The following CADPS variants were observed in gnomAD, a reference collection of about 807,000 sequenced individuals.
CADPS encodes calcium dependent secretion activator.
Under a neutral mutation model 167.3 loss-of-function variants are expected in CADPS, and 57 were observed. The ratio of observed to expected loss-of-function variants is 0.34; its 90% CI spans 0.28 to 0.42. The LOEUF is 0.42. Ranked by LOEUF, CADPS falls within the 20% of genes least tolerant of loss-of-function variation. The pLI is 1.00. For synonymous variants in CADPS, 676 were observed against 635.3 expected, an observed-to-expected ratio of 1.06 and a Z score of -0.96; for missense variants, 1,414 against 1,738.1, an observed-to-expected ratio of 0.81 and a Z score of 3.32.
At chr3:62,532,685 G>C (rs1313143760) in intron 13 of CADPS, among the ~76,000 whole-genome samples, 186 bp downstream of exon 13, 1 of 151,332 alleles carries the variant, frequency 6.6e-6, no homozygotes, top group East Asian at 2.0e-4. Flanking sequence ...TTTATTTTAA[G>C]TTTCTTGAAA....
chr3:62,832,060 T>C (rs553082889), intron 1 of CADPS, among the ~76,000 whole-genome samples: 52 of 152,310 alleles, frequency 3.4e-4, no homozygotes, highest in African/African-American at 1.3e-3. Flanking sequence ...CATTTCATTG[T>C]TGATAGGTAA....
intron 1 of CADPS, among the ~76,000 whole-genome samples, chr3:62,853,522 G>A (rs1416223434): frequency 1.3e-5 from 2 of 151,888 alleles, no homozygotes; most frequent in Non-Finnish European, 2.9e-5. Flanking sequence ...CTACTCGGGA[G>A]GCTGAGGCAG....
intron 6 of CADPS, among the ~76,000 whole-genome samples, chr3:62,636,568 C>T (rs2066348941): frequency 1.3e-5 from 2 of 152,186 alleles, no homozygotes; most frequent in South Asian, 2.1e-4. Context: ...GTGTCCTCCC[C>T]GAGGGCTCAC....
chr3:62,414,899 C>T (rs936148500), intron 28 of CADPS, among the ~76,000 whole-genome samples: 1 of 152,012 alleles, frequency 6.6e-6, no homozygotes, highest in Non-Finnish European at 1.5e-5. Context: ...AACCCACTCT[C>T]CCCTCAAAGT....
At position 62,438,062 on chromosome 3, in the gene CADPS, G is replaced by T. The variant is rs1191574564; in HGVS notation, c.3777+42C>A. On this transcript the variant is annotated intron_variant, in intron 28 of 29. Transcript: ENST00000383710. The surrounding 1 kb of genome is among the most constrained non-coding windows in gnomAD (Gnocchi z 4.7). ...CTCTTATTTTGTCACATTTTGGAGG[G>T]TCTCCTCCTTGGTTTTCAAGGAGGA... The T allele has an allele frequency of 7.7e-7, 1 of 1,306,488 alleles. No homozygotes were observed. Among genetic ancestry groups the T allele is most frequent in the East Asian group, 2.3e-5 (1 of 43,172 alleles). The allele number at this position is 1,306,488 out of a possible 1,614,324, so 80.9% of individuals were successfully genotyped here. A position where few individuals can be genotyped will look rare whatever the true frequency, so the allele number is the denominator to read the frequency against.
chr3:62,465,297 A>T lies in CADPS; in HGVS notation c.3636+70T>A. The stretch of plus-strand genomic sequence containing the variant: ...CCATCCCAAAACAAAATGACACAAC[A>T]TAACTCCTCTCCCAAGCCGAAACCA... On this transcript the variant is annotated intron_variant, in intron 26 of 29. Transcript: ENST00000383710. The surrounding 1 kb of genome is among the most constrained non-coding windows in gnomAD (Gnocchi z 4.1). 9.1e-7 allele frequency: 1 copy of T among 1,098,418 alleles called. No homozygotes were observed. Among genetic ancestry groups the T allele is most frequent in the East Asian group, 2.4e-5 (1 of 42,292 alleles). The allele number at this position is 1,098,418 out of a possible 1,614,324, so 68.0% of individuals were successfully genotyped here.
intron 3 of CADPS, among the ~76,000 whole-genome samples, chr3:62,724,434 G>C (rs1260428832): frequency 6.6e-6 from 1 of 152,076 alleles, no homozygotes; most frequent in Non-Finnish European, 1.5e-5. Context: ...ATGAATCAAG[G>C]CACAGACATA....
At chr3:62,636,596 T>C (rs1029474828) in intron 6 of CADPS, among the ~76,000 whole-genome samples, 5 of 152,194 alleles carry the variant, frequency 3.3e-5, no homozygotes, top group Admixed American at 6.5e-5. Flanking sequence ...TGCACCTTTA[T>C]AGTGAAGTGA....
intron 1 of CADPS, chr3:62,779,688 T>C: frequency 2.0e-6 from 1 of 496,740 alleles, no homozygotes; most frequent in Admixed American, 2.2e-5. Flanking sequence ...CAAAGCCCCA[T>C]TCTGATCAAT....
Position 62,863,311 on chromosome 3 carries a change from C to T in CADPS, c.441+11278G>A, listed in dbSNP as rs113430327. On this transcript the variant is annotated intron_variant, in intron 1 of 29. Transcript: ENST00000383710. ...AAGACAAATTTCTTATCTGCTTTTCCTCTTGGTTTCCTCTTCTGTAGGATT... is the reference window on the plus strand; with the variant it reads ...AAGACAAATTTCTTATCTGCTTTTCTTCTTGGTTTCCTCTTCTGTAGGATT... Among the ~76,000 whole-genome samples, 5 of 152,236 alleles carry T rather than the reference C, an allele frequency of 3.3e-5. No individual in the cohort carries two copies. The East Asian group carries it at 9.7e-4, about 29-fold the overall frequency.
At chr3:62,605,359 G>A (rs1174198156) in intron 6 of CADPS, among the ~76,000 whole-genome samples, 19 of 152,192 alleles carry the variant, frequency 1.2e-4, no homozygotes, top group Non-Finnish European at 4.4e-5. Flanking sequence ...TGGTGCAGTG[G>A]GGAGGAATTT....
At chr3:62,599,789 A>ATATATAG (rs2059592935) in intron 6 of CADPS, among the ~76,000 whole-genome samples, 1 of 17,820 alleles carries the variant, frequency 5.6e-5, no homozygotes, top group Non-Finnish European at 1.0e-4. Flanking sequence ...ATTATATATA[A>ATATATAG]TATATATAAT....
chr3:62,750,132 A>G (rs2082364731), intron 3 of CADPS, among the ~76,000 whole-genome samples: 2 of 151,984 alleles, frequency 1.3e-5, no homozygotes, highest in African/African-American at 2.4e-5. Context: ...TGGGTGGGTC[A>G]CCTGAGGTCC....
At chr3:62,532,839 G>A in intron 13 of CADPS, 32 bp downstream of exon 13, 1 of 1,597,328 alleles carries the variant, frequency 6.3e-7, no homozygotes, top group Non-Finnish European at 8.6e-7. Context: ...ATTTCTTAAG[G>A]ATCACCTCTA....
At chr3:62,461,440 A>G (rs1202488087) in intron 26 of CADPS, among the ~76,000 whole-genome samples, 1 of 151,520 alleles carries the variant, frequency 6.6e-6, no homozygotes, top group African/African-American at 2.4e-5. Flanking sequence ...TACTCCATGG[A>G]CTCTCAGGAC....
chr3:62,806,387 C>T (rs914691481), intron 1 of CADPS, among the ~76,000 whole-genome samples: 9 of 150,596 alleles, frequency 6.0e-5, no homozygotes, highest in Non-Finnish European at 1.0e-4. Context: ...AAAAAATTAG[C>T]CGGGTGTGGT....
At position 62,457,599 on chromosome 3, in the gene CADPS, A is replaced by G. The variant is rs948998454; in HGVS notation, c.3636+7768T>C. Among the ~76,000 whole-genome samples, 4 of 152,208 alleles carry G rather than the reference A, an allele frequency of 2.6e-5. No individual in the cohort carries two copies. The South Asian group carries it at 8.3e-4, about 32-fold the overall frequency. ...ATATAAGTCACAAGAGTTTTGATTGACCTTGTCATGGGTAATAGTTTGGAT... is the reference window on the plus strand; with the variant it reads ...ATATAAGTCACAAGAGTTTTGATTGGCCTTGTCATGGGTAATAGTTTGGAT... On this transcript the variant is annotated intron_variant, in intron 26 of 29. Coordinates refer to ENST00000383710, the MANE Select transcript of CADPS (RefSeq NM_003716.4).
chr3:62,529,894 A>C (rs1203590797), intron 13 of CADPS, among the ~76,000 whole-genome samples: 1 of 152,192 alleles, frequency 6.6e-6, no homozygotes, highest in Non-Finnish European at 1.5e-5. Flanking sequence ...AAAACTTTAA[A>C]ATGTCAGTGT....
chr3:62,603,987 C>T (rs376604667), intron 6 of CADPS, among the ~76,000 whole-genome samples: 69 of 142,470 alleles, frequency 4.8e-4, no homozygotes, highest in Middle Eastern at 4.2e-3. Context: ...CCACCACGCC[C>T]GGCTAATTTT....
Sources: gnomAD v4.1 joint callset for allele counts (sites outside exome capture counted in the v4.1 genomes callset) on GRCh38, gnomAD v4.1.1 for gene constraint, Gnocchi (gnomAD v3.1) non-coding constraint, MANE v1.5 for transcripts, NCBI Gene and HGNC (gene_info 2026-07-23, HGNC 2026-07-21) for gene names.